The following CDHR2 variants were observed in gnomAD, a reference collection of about 807,000 sequenced individuals.
The protein encoded by CDHR2 is cadherin-related family member 2.
In CDHR2, 104 loss-of-function variants were observed where a neutral mutation model predicts 138.6. That is an observed-to-expected ratio of 0.75 (90% CI 0.64 to 0.88). The LOEUF (loss-of-function observed/expected upper bound fraction) is 0.88. Ranked by LOEUF, CDHR2 falls within the 40% of genes least tolerant of loss-of-function variation. CDHR2 has a pLI of 0.00. For missense variants in CDHR2, 1,624 were observed against 1,727.6 expected, an observed-to-expected ratio of 0.94 and a Z score of 1.06; for synonymous variants, 755 against 742.8, an observed-to-expected ratio of 1.02 and a Z score of -0.27.
intron 1 of CDHR2, among the ~76,000 whole-genome samples, chr5:176,563,429 C>T (rs1175656043): frequency 6.6e-6 from 1 of 151,968 alleles, no homozygotes; most frequent in African/African-American, 2.4e-5. Flanking sequence ...ACTGGATGAG[C>T]TGTAATTGCT....
intron 1 of CDHR2, among the ~76,000 whole-genome samples, chr5:176,551,701 CTTTTTTTTT>C (rs34996600): frequency 8.8e-6 from 1 of 114,284 alleles, no homozygotes; most frequent in Non-Finnish European, 1.7e-5. Context: ...CAAGAGTTCT[CTTTTTTTTT>C]TTTTTTTTTG....
chr5:176,587,351 G>A (rs1221610246), intron 21 of CDHR2, among the ~76,000 whole-genome samples: 1 of 152,192 alleles, frequency 6.6e-6, no homozygotes, highest in Non-Finnish European at 1.5e-5. Context: ...GGGAGGCTGA[G>A]GCAGGAGAGT....
intron 17 of CDHR2, among the ~76,000 whole-genome samples, chr5:176,582,492 A>C (rs1758555323): frequency 6.6e-6 from 1 of 152,174 alleles, no homozygotes; most frequent in Admixed American, 6.6e-5. Flanking sequence ...TGATTGAGCA[A>C]CTGAGGCGGG....
Position 176,580,608 on chromosome 5 carries a change from C to T in CDHR2, c.1819-735C>T, listed in dbSNP as rs146442818. On this transcript the variant is annotated intron_variant, in intron 16 of 31. Transcript: ENST00000261944. ...AAGAAGGGCCAGACGTGGTGGCTCA[C>T]GCCTGTATGTAATCCCAGCACTTTG... 1.1e-4 allele frequency among the ~76,000 whole-genome samples: 17 copies of T among 151,856 alleles called. No homozygotes were observed. The East Asian group carries it at 2.7e-3, about 24-fold the overall frequency.
Position 176,576,731 on chromosome 5 carries a change from C to G in CDHR2, c.1194+546C>G, listed in dbSNP as rs901223497. On this transcript the variant is annotated intron_variant, in intron 12 of 31. Coordinates refer to ENST00000261944, the MANE Select transcript of CDHR2 (RefSeq NM_017675.6). The surrounding 1 kb of genome is among the most constrained non-coding windows in gnomAD (Gnocchi z 4.5). Reference sequence around the variant, plus strand: ...AGCTGTGATTACAGGTGTGCACCACCTCGCCCAGCTAATTTTTGTGTTTTT... The same window carrying G: ...AGCTGTGATTACAGGTGTGCACCACGTCGCCCAGCTAATTTTTGTGTTTTT... 6.6e-6 allele frequency among the ~76,000 whole-genome samples: 1 copy of G among 152,108 alleles called. No individual in the cohort carries two copies. The highest frequency in any genetic ancestry group is 1.5e-5 in the Non-Finnish European group (1 of 68,018).
chr5:176,564,262 T>C (rs936302605), intron 1 of CDHR2, among the ~76,000 whole-genome samples: 1 of 152,198 alleles, frequency 6.6e-6, no homozygotes, highest in Non-Finnish European at 1.5e-5. Flanking sequence ...CTCATCTCAC[T>C]GCAACTTCCG....
chr5:176,595,735 T>C lies in CDHR2; in HGVS notation c.*63T>C. The stretch of plus-strand genomic sequence containing the variant: ...CTACCACACCCTAACTGCACCTGTC[T>C]CCCTGGAGATGAAAATATATGACGC... On this transcript the variant is annotated 3_prime_UTR_variant, in exon 32 of 32. Transcript: ENST00000261944. The C allele has an allele frequency of 1.4e-6, 2 of 1,397,218 alleles. No individual in the cohort carries two copies. Among genetic ancestry groups the C allele is most frequent in the Non-Finnish European group, 1.9e-6 (2 of 1,056,296 alleles). 86.6% of individuals were successfully genotyped at this position (1,397,218 alleles called of 1,614,324 possible).
At chr5:176,585,255 C>T (rs895106742) in intron 19 of CDHR2, among the ~76,000 whole-genome samples, 2 of 152,120 alleles carry the variant, frequency 1.3e-5, no homozygotes, top group African/African-American at 4.8e-5. Context: ...GCATTTATTG[C>T]AGTGCCTGGC....
At chr5:176,585,069 G>A in intron 19 of CDHR2, 54 bp downstream of exon 19, 1 of 1,486,114 alleles carries the variant, frequency 6.7e-7, no homozygotes, top group South Asian at 1.3e-5. Flanking sequence ...GGGGCCGCGG[G>A]AAGGAGCCCT....
intron 6 of CDHR2, among the ~76,000 whole-genome samples, chr5:176,573,675 G>A (rs1276673390): frequency 6.6e-6 from 1 of 151,884 alleles, no homozygotes; most frequent in Non-Finnish European, 1.5e-5. Flanking sequence ...TAGAGTTGGT[G>A]TGTACAGGGG....
Position 176,568,984 on chromosome 5 carries a change from A to G in CDHR2, c.289A>G (p.Ile97Val), listed in dbSNP as rs144430304. 1,014 of 1,614,106 alleles carry G rather than the reference A, an allele frequency of 6.3e-4. 2 individuals are homozygous for G. The highest frequency in any genetic ancestry group is 7.4e-4 in the South Asian group (67 of 91,082). The change falls in exon 5 of 32, where the codon ATC (isoleucine) becomes GTC (valine). Residue 97 changes from isoleucine to valine, a missense_variant. This residue lies in a region of CDHR2 where 1,061 missense variants were observed against 1,136.6 expected (regional missense o/e 0.93). Transcript: ENST00000261944. ...YETLYTFKVT[I>V]SVSDPYIQVQ... Reference sequence around the variant, plus strand: ...GACACTCTACACATTCAAAGTCACCATCTCCGTGAGCGACCCCTACATCCA... The same window carrying G: ...GACACTCTACACATTCAAAGTCACCGTCTCCGTGAGCGACCCCTACATCCA...
intron 17 of CDHR2, among the ~76,000 whole-genome samples, chr5:176,583,155 G>T (rs13176854): frequency 0.21 from 32,365 of 152,120 alleles, 3,487 homozygotes; most frequent in East Asian, 0.37. Context: ...GAGTGAACAG[G>T]TTTCTTCACC....
At position 176,584,398 on chromosome 5, in the gene CDHR2, C is replaced by A; in HGVS notation, c.2129-12C>A. Reference sequence around the variant, plus strand: ...GTCAGGAGTCCTTCTGAGCTCTGCCCCTTGTCCACAGGAGTGCTAGTGGGC... The same window carrying A: ...GTCAGGAGTCCTTCTGAGCTCTGCCACTTGTCCACAGGAGTGCTAGTGGGC... On this transcript the variant is annotated splice_polypyrimidine_tract_variant and intron_variant, in intron 18 of 31. Coordinates refer to ENST00000261944, the MANE Select transcript of CDHR2 (RefSeq NM_017675.6). 6.3e-7 allele frequency: 1 copy of A among 1,599,290 alleles called. No homozygotes were observed. Among genetic ancestry groups the A allele is most frequent in the Non-Finnish European group, 8.5e-7 (1 of 1,171,254 alleles).
chr5:176,577,802 A>G lies in CDHR2; in HGVS notation c.1512+4A>G. ...TGTGGTCACCGACAGCATCCACGTGAGTGATGTGGACACAGTGGGGCTGTG... is the reference window on the plus strand; with the variant it reads ...TGTGGTCACCGACAGCATCCACGTGGGTGATGTGGACACAGTGGGGCTGTG... On this transcript the variant is annotated splice_donor_region_variant and intron_variant, in intron 14 of 31. Coordinates refer to ENST00000261944, the MANE Select transcript of CDHR2 (RefSeq NM_017675.6). 2.5e-6 allele frequency: 4 copies of G among 1,613,670 alleles called. No homozygotes were observed. Among genetic ancestry groups the G allele is most frequent in the Non-Finnish European group, 3.4e-6 (4 of 1,179,836 alleles).
chr5:176,550,895 A>T lies in CDHR2; in HGVS notation c.-16+1481A>T, dbSNP rs1166594397. Among the ~76,000 whole-genome samples, 3 of 151,998 alleles carry T rather than the reference A, an allele frequency of 2.0e-5. No individual in the cohort carries two copies. In the East Asian group the frequency reaches 5.8e-4, roughly 30 times the overall value. ...GAAGCCTCCTCTCAGCCAAGGCTGA[A>T]GAGCTGGCACCTCCTGGGCCAGGTG... On this transcript the variant is annotated intron_variant, in intron 1 of 31. Transcript: ENST00000261944.
intron 16 of CDHR2, among the ~76,000 whole-genome samples, chr5:176,579,192 CT>C (rs1758472431): frequency 6.6e-6 from 1 of 152,224 alleles, no homozygotes; most frequent in Non-Finnish European, 1.5e-5. Context: ...AGCTTCGCCC[CT>C]GAGGCATCTT....
At chr5:176,586,400 T>TCAAGACAA in intron 20 of CDHR2, among the ~76,000 whole-genome samples, 1 of 152,236 alleles carries the variant, frequency 6.6e-6, no homozygotes, top group East Asian at 1.9e-4. Flanking sequence ...TTCATTGTGT[T>TCAAGACAA]GGCCAGACTG....
Position 176,586,888 on chromosome 5 carries a change from G to T in CDHR2, c.2856+46G>T, listed in dbSNP as rs374575682. ...TTTGTTGGTCATATGAGCCCCAGGG[G>T]ACACAGGGCTGAGGCCTTCAGGCCT... is the stretch of plus-strand genomic sequence containing the variant. On this transcript the variant is annotated intron_variant, in intron 21 of 31. Coordinates refer to ENST00000261944, the MANE Select transcript of CDHR2 (RefSeq NM_017675.6). 400 of 1,548,958 alleles carry T rather than the reference G, an allele frequency of 2.6e-4. 2 individuals are homozygous for T. Among genetic ancestry groups the T allele is most frequent in the Non-Finnish European group, 3.3e-4 (377 of 1,130,260 alleles).
intron 1 of CDHR2, among the ~76,000 whole-genome samples, chr5:176,557,279 C>G (rs1289833393): frequency 6.6e-6 from 1 of 152,126 alleles, no homozygotes; most frequent in Non-Finnish European, 1.5e-5. Flanking sequence ...GCTCATGGCT[C>G]CCTGCAGCCT....
Sources: allele counts gnomAD v4.1 joint callset (sites outside exome capture counted in the v4.1 genomes callset), GRCh38; gene constraint gnomAD v4.1.1; regional missense constraint gnomAD v4.1.1; non-coding constraint Gnocchi (gnomAD v3.1); transcripts MANE v1.5; gene names NCBI Gene and HGNC (gene_info 2026-07-23, HGNC 2026-07-21).